The following CNOT11 variants were observed in gnomAD, a reference collection of about 807,000 sequenced individuals.
The protein encoded by CNOT11 is UPF0760 protein C2orf29.
CNOT11 carries 18 observed loss-of-function variants against 44.6 expected under a neutral mutation model. The ratio of observed to expected loss-of-function variants is 0.40; its 90% CI spans 0.28 to 0.60. The LOEUF (loss-of-function observed/expected upper bound fraction) is 0.60, where lower values mean the gene tolerates loss of function less well. Ranked by LOEUF, CNOT11 falls within the 20% of genes least tolerant of loss-of-function variation. The pLI, the probability that CNOT11 is intolerant of heterozygous loss-of-function variation, is 0.38. For missense variants in CNOT11, 513 were observed against 677.0 expected, an observed-to-expected ratio of 0.76 and a Z score of 2.69; for synonymous variants, 291 against 270.9, an observed-to-expected ratio of 1.07 and a Z score of -0.73.
chr2:101,258,080 A>G, intron 2 of CNOT11, 125 bp downstream of exon 2: 2 of 996,736 alleles, frequency 2.0e-6, no homozygotes, highest in Non-Finnish European at 2.9e-6. Context: ...TTTAAAAAGT[A>G]GTTTTAGTAC....
At position 101,269,924 on chromosome 2, in the gene CNOT11, C is replaced by T. The variant is rs1174354414; in HGVS notation, c.*511C>T. 6.6e-6 allele frequency: 1 copy of T among 152,520 alleles called. No homozygotes were observed. The highest frequency in any genetic ancestry group is 1.5e-5 in the Non-Finnish European group (1 of 68,208). 9.4% of individuals were successfully genotyped at this position (152,520 alleles called of 1,614,324 possible). ...TTAACTCCTCATGAGGCACACAGCTCTTAACTCCTGATGAACCAAGGATTT... is the reference window on the plus strand; with the variant it reads ...TTAACTCCTCATGAGGCACACAGCTTTTAACTCCTGATGAACCAAGGATTT... On this transcript the variant is annotated 3_prime_UTR_variant, in exon 7 of 7. Coordinates refer to ENST00000289382, the MANE Select transcript of CNOT11 (RefSeq NM_017546.5). This position sits in a 1 kb window ranked among gnomAD's most constrained non-coding sequence, Gnocchi z 4.8.
Position 101,269,434 on chromosome 2 carries a change from A to T in CNOT11, c.*21A>T. On this transcript the variant is annotated 3_prime_UTR_variant, in exon 7 of 7. Transcript: ENST00000289382. This position sits in a 1 kb window ranked among gnomAD's most constrained non-coding sequence, Gnocchi z 4.8. The stretch of plus-strand genomic sequence containing the variant: ...AATAATACCTCATCAGAACCATCCC[A>T]TCCATTCACTGTTCAGCTGTACTGT... 1 of 1,604,076 alleles carries T rather than the reference A, an allele frequency of 6.2e-7. No homozygotes were observed. The highest frequency in any genetic ancestry group is 8.5e-7 in the Non-Finnish European group (1 of 1,171,408).
chr2:101,264,269 G>A (rs547879533), intron 3 of CNOT11, among the ~76,000 whole-genome samples: 4 of 152,128 alleles, frequency 2.6e-5, no homozygotes, highest in African/African-American at 4.8e-5. Context: ...TACTTCTATT[G>A]TTTTCTGAAA....
At chr2:101,267,018 C>T in intron 5 of CNOT11, 139 bp downstream of exon 5, 1 of 624,942 alleles carries the variant, frequency 1.6e-6, no homozygotes, top group Non-Finnish European at 2.8e-6. Flanking sequence ...CCTTAGCATT[C>T]ACTACATGTA....
chr2:101,265,101 T>A, intron 4 of CNOT11, 54 bp downstream of exon 4: 2 of 1,308,946 alleles, frequency 1.5e-6, no homozygotes, highest in Non-Finnish European at 2.0e-6. Context: ...TTATTTTTAA[T>A]TAAAAAAATT....
chr2:101,259,133 G>C lies in CNOT11; in HGVS notation c.679+1178G>C, dbSNP rs542130972. Among the ~76,000 whole-genome samples the C allele has an allele frequency of 5.3e-5, 8 of 152,220 alleles. No homozygotes were observed. In the East Asian group the frequency reaches 1.4e-3, roughly 26 times the overall value. On this transcript the variant is annotated intron_variant, in intron 2 of 6. Transcript: ENST00000289382. ...TGCACAATATCGTGAGACCTGTCTC[G>C]GGATGCTGAATAGCCAAAACCCAAC...
intron 5 of CNOT11, among the ~76,000 whole-genome samples, chr2:101,267,311 C>T (rs893315781): frequency 2.6e-5 from 4 of 151,866 alleles, no homozygotes; most frequent in East Asian, 1.9e-4. Context: ...TTAGTAGAGA[C>T]GGGGTTTCGC....
intron 2 of CNOT11, among the ~76,000 whole-genome samples, chr2:101,260,513 C>G (rs528421631): frequency 1.3e-5 from 2 of 152,164 alleles, no homozygotes; most frequent in Non-Finnish European, 2.9e-5. Context: ...GGATCCATTC[C>G]TCTTCACAAG....
At position 101,253,715 on chromosome 2, in the gene CNOT11, C is replaced by A. The variant is rs1313226606; in HGVS notation, c.514+237C>A. 6.6e-6 allele frequency among the ~76,000 whole-genome samples: 1 copy of A among 152,224 alleles called. No individual in the cohort carries two copies. The highest frequency in any genetic ancestry group is 1.5e-5 in the Non-Finnish European group (1 of 68,044). ...ACACCGAAAATGATTTCTCTATACA[C>A]CCCATCACATCATACAGCTCAGTGT... On this transcript the variant is annotated intron_variant, in intron 1 of 6. Coordinates refer to ENST00000289382, the MANE Select transcript of CNOT11 (RefSeq NM_017546.5). The surrounding 1 kb of genome is among the most constrained non-coding windows in gnomAD (Gnocchi z 4.3).
intron 4 of CNOT11, 92 bp from the exon 5 acceptor site, chr2:101,266,585 T>C: frequency 1.0e-6 from 1 of 955,042 alleles, no homozygotes; most frequent in Non-Finnish European, 1.6e-6. Flanking sequence ...GCTTTTTGTA[T>C]AAAATGCTTA....
chr2:101,257,055 A>G (rs1558766616), intron 1 of CNOT11, among the ~76,000 whole-genome samples: 1 of 151,994 alleles, frequency 6.6e-6, no homozygotes, highest in Non-Finnish European at 1.5e-5. Flanking sequence ...TCTCAAAAAA[A>G]AAAAGAAAAG....
In CNOT11 at chr2:101,262,566, G is replaced by A. The variant is rs765264473; in HGVS notation, c.707G>A (p.Ser236Asn). ...CGCCAATCTGAATTGCCAACGCAAA[G>A]CAAAGCGAGCTTCCCCAGTATTCTC... is the stretch of plus-strand genomic sequence containing the variant. ...AERQSELPTQ[S>N]KASFPSILSD... is the part of the protein sequence containing the mutation. The change falls in exon 3 of 7, where the codon AGC becomes AAC. Residue 236 changes from serine (S) to asparagine (N), a missense_variant. Ser to Asn is a conservative substitution (Grantham distance 46). Coordinates refer to ENST00000289382, the MANE Select transcript of CNOT11 (RefSeq NM_017546.5). 7.4e-6 allele frequency: 12 copies of A among 1,613,966 alleles called. No individual in the cohort carries two copies. The highest frequency in any genetic ancestry group is 8.5e-7 in the Non-Finnish European group (1 of 1,179,988).
chr2:101,263,937 A>AACTT (rs1337983435), intron 3 of CNOT11, among the ~76,000 whole-genome samples: 2 of 152,258 alleles, frequency 1.3e-5, no homozygotes, highest in Admixed American at 6.5e-5. Flanking sequence ...AATTGTTAAA[A>AACTT]ACTTTATTTT....
intron 3 of CNOT11, 143 bp from the exon 4 acceptor site, chr2:101,264,702 T>C: frequency 1.5e-6 from 1 of 653,950 alleles, no homozygotes; most frequent in Non-Finnish European, 2.7e-6. Flanking sequence ...GTGTCATTCC[T>C]GCTTCTGATT....
In CNOT11 at chr2:101,260,311, A is replaced by ATTT. The variant is rs1260470681; in HGVS notation, c.680-2222_680-2220dup. 4.4e-3 allele frequency among the ~76,000 whole-genome samples: 676 copies of ATTT among 151,956 alleles called. 3 individuals are homozygous for ATTT. Among genetic ancestry groups the ATTT allele is most frequent in the African/African-American group, 0.016 (643 of 41,480 alleles). The stretch of plus-strand genomic sequence containing the variant: ...ATTTATTTATAGTATTTAAATAGTA[A>ATTT]TTTTTTTTATCATAATAAAGTGAGA... On this transcript the variant is annotated intron_variant, in intron 2 of 6. Transcript: ENST00000289382.
chr2:101,257,478 G>T (rs1167093512), intron 1 of CNOT11, among the ~76,000 whole-genome samples: 1 of 151,602 alleles, frequency 6.6e-6, no homozygotes, highest in Non-Finnish European at 1.5e-5. Context: ...ACTCCTGGCC[G>T]ATGTTTTAAC....
Position 101,257,909 on chromosome 2 carries a change from C to T in CNOT11, c.633C>T (p.Asn211=), listed in dbSNP as rs1681770540. The change falls in exon 2 of 7, where the codon AAC becomes AAT. Residue 211 remains asparagine (N), a synonymous_variant. Coordinates refer to ENST00000289382, the MANE Select transcript of CNOT11 (RefSeq NM_017546.5). ...PRQIALMDVG[N]MGQSVDISGL... ...AGATTGCACTGATGGACGTTGGAAA[C>T]ATGGGCCAGTCTGTGGACATTAGTG... is the stretch of plus-strand genomic sequence containing the variant. The T allele has an allele frequency of 1.2e-6, 2 of 1,614,062 alleles. No homozygotes were observed. Among genetic ancestry groups the T allele is most frequent in the Non-Finnish European group, 8.5e-7 (1 of 1,179,972 alleles).
At position 101,262,716 on chromosome 2, in the gene CNOT11, A is replaced by G. The variant is rs369622097; in HGVS notation, c.832+25A>G. ...AGTAGGTACATATAAATTAATTTATACTCTTTGTTTTATTCTGTCAGCAGG... is the reference window on the plus strand; with the variant it reads ...AGTAGGTACATATAAATTAATTTATGCTCTTTGTTTTATTCTGTCAGCAGG... On this transcript the variant is annotated intron_variant, in intron 3 of 6. Coordinates refer to ENST00000289382, the MANE Select transcript of CNOT11 (RefSeq NM_017546.5). 72 of 1,597,922 alleles carry G rather than the reference A, an allele frequency of 4.5e-5. 1 individual carries two copies. The South Asian group carries it at 8.0e-4, about 18-fold the overall frequency.
rs550276464 is a variant in CNOT11 at position 101,261,470 on chromosome 2, G to A, written c.680-1069G>A. Among the ~76,000 whole-genome samples, 130 of 152,286 alleles carry A rather than the reference G, an allele frequency of 8.5e-4. 1 individual carries two copies. Among genetic ancestry groups the A allele is most frequent in the South Asian group, 6.8e-3 (33 of 4,826 alleles). ...GTTCTGTGTCCATTCTGTTGTTGAT[G>A]GACATAATACTGCTGTGAACATTCT... is the stretch of plus-strand genomic sequence containing the variant. On this transcript the variant is annotated intron_variant, in intron 2 of 6. Transcript: ENST00000289382.
Sources: gnomAD v4.1 joint callset for allele counts (sites outside exome capture counted in the v4.1 genomes callset) on GRCh38, gnomAD v4.1.1 for gene constraint, Gnocchi (gnomAD v3.1) non-coding constraint, MANE v1.5 for transcripts, NCBI Gene and HGNC (gene_info 2026-07-23, HGNC 2026-07-21) for gene names.